The following GAD1 variants were observed in gnomAD, a reference collection of about 807,000 sequenced individuals.
GAD1 encodes the protein 67 kDa glutamic acid decarboxylase.
GAD1 carries 35 observed loss-of-function variants against 75.2 expected under a neutral mutation model. That is an observed-to-expected ratio of 0.47 (90% confidence interval 0.36 to 0.62). The LOEUF is 0.62. Ranked by LOEUF, GAD1 falls within the 20% of genes least tolerant of loss-of-function variation. The pLI is 0.00. For missense variants in GAD1, 490 were observed against 758.5 expected (o/e 0.65, Z 4.16); for synonymous variants, 257 against 271.9 (o/e 0.95, Z 0.54).
chr2:170,825,549 G>A (rs904176260), intron 3 of GAD1, among the ~76,000 whole-genome samples: 15 of 152,178 alleles, frequency 9.9e-5, no homozygotes, highest in African/African-American at 3.6e-4. Context: ...GCCCCACTTG[G>A]CAACAACTGG....
chr2:170,853,060 C>T lies in GAD1; in HGVS notation c.1263+268C>T, dbSNP rs992869565. 1 of 521,904 alleles carries T rather than the reference C, an allele frequency of 1.9e-6. No homozygotes were observed. The highest frequency in any genetic ancestry group is 3.5e-6 in the Non-Finnish European group (1 of 288,848). The allele number at this position is 521,904 out of a possible 1,614,324, so 32.3% of individuals were successfully genotyped here. On this transcript the variant is annotated intron_variant, in intron 13 of 16. Transcript: ENST00000358196. This position sits in a 1 kb window ranked among gnomAD's most constrained non-coding sequence, Gnocchi z 4.1. ...AAGGAAATTATTTAATTGAGTATTC[C>T]TTCATGTTTGCACAAAAAAAGTGGG...
upstream of GAD1, chr2:170,816,785 C>G (rs979867351): frequency 1.6e-4 from 24 of 153,446 alleles, no homozygotes; most frequent in Admixed American, 2.6e-4. Flanking sequence ...ACTAGCTGCC[C>G]CCGCGAGCAA....
At position 170,818,605 on chromosome 2, in the gene GAD1, C is replaced by G; in HGVS notation, c.14C>G (p.Thr5Ser). The change falls in exon 2 of 17, where the codon ACC becomes AGC. Residue 5 changes from threonine to serine, a missense_variant. Around this residue, in one of 3 missense-constraint regions of GAD1, gnomAD observed 165 missense variants for 216.4 expected, o/e 0.76. Transcript: ENST00000358196. This position sits in a 1 kb window ranked among gnomAD's most constrained non-coding sequence, Gnocchi z 5.9. ...ACGACCGAGCTGATGGCGTCTTCGACCCCATCTTCGTCCGCAACCTCCTCG... is the reference window on the plus strand; with the variant it reads ...ACGACCGAGCTGATGGCGTCTTCGAGCCCATCTTCGTCCGCAACCTCCTCG... Reference protein sequence around the residue: MASSTPSSSATSSNA... With the variant: MASSSPSSSATSSNA... 6 of 1,614,134 alleles carry G rather than the reference C, an allele frequency of 3.7e-6. No homozygotes were observed. The highest frequency in any genetic ancestry group is 4.2e-6 in the Non-Finnish European group (5 of 1,180,020).
At position 170,824,072 on chromosome 2, in the gene GAD1, TC is replaced by T. The variant is rs759454735; in HGVS notation, c.145+1928del. 9.2e-5 allele frequency among the ~76,000 whole-genome samples: 14 copies of T among 152,164 alleles called. 1 individual carries two copies. The East Asian group carries it at 1.6e-3, about 17-fold the overall frequency. Reference sequence around the variant, plus strand: ...AGCCGGAGTTGGCCTCCACTCCCCCTCCCCCACTGTCAGCCGAAGCTAGGAG... The same window carrying T: ...AGCCGGAGTTGGCCTCCACTCCCCCTCCCCACTGTCAGCCGAAGCTAGGAG... On this transcript the variant is annotated intron_variant, in intron 3 of 16. Coordinates refer to ENST00000358196, the MANE Select transcript of GAD1 (RefSeq NM_000817.3).
intron 3 of GAD1, among the ~76,000 whole-genome samples, chr2:170,824,862 T>A (rs1261513796): frequency 6.6e-6 from 1 of 152,194 alleles, no homozygotes; most frequent in Non-Finnish European, 1.5e-5. Context: ...CAGGGTGTCC[T>A]TGGGCTTCCA....
chr2:170,845,497 T>C lies in GAD1; in HGVS notation c.752-9T>C. 6.2e-7 allele frequency: 1 copy of C among 1,611,502 alleles called. No individual in the cohort carries two copies. Among genetic ancestry groups the C allele is most frequent in the Admixed American group, 1.7e-5 (1 of 60,014 alleles). Reference sequence around the variant, plus strand: ...CCCAACACCTCCCAATATGTCCGCTTGCTGACAGGGGGCGCCATATCCAAC... The same window carrying C: ...CCCAACACCTCCCAATATGTCCGCTCGCTGACAGGGGGCGCCATATCCAAC... On this transcript the variant is annotated splice_polypyrimidine_tract_variant and intron_variant, in intron 7 of 16. Transcript: ENST00000358196.
rs1463756751 is a variant in GAD1, at chr2:170,845,548, A to G, written c.794A>G (p.Tyr265Cys). The G allele has an allele frequency of 3.1e-6, 5 of 1,613,968 alleles. No individual in the cohort carries two copies. Among genetic ancestry groups the G allele is most frequent in the African/African-American group, 1.3e-5 (1 of 74,918 alleles). Residue 265 changes from tyrosine to cysteine, a missense_variant, in exon 8 of 17, where the codon TAC (tyrosine) becomes TGC (cysteine). Coordinates refer to ENST00000358196, the MANE Select transcript of GAD1 (RefSeq NM_000817.3). The part of the protein sequence containing the change: ...SNMYSIMAAR[Y>C]KYFPEVKTKG... The stretch of plus-strand genomic sequence containing the variant: ...ATGTACAGCATCATGGCTGCTCGCT[A>G]CAAGTACTTCCCGGAAGTTAAGACA...
At chr2:170,836,528 G>A (rs1356743577) in intron 5 of GAD1, among the ~76,000 whole-genome samples, 2 of 152,196 alleles carry the variant, frequency 1.3e-5, no homozygotes, top group African/African-American at 4.8e-5. Flanking sequence ...ACACTGGAAA[G>A]CATGATTTGT....
chr2:170,815,788 T>C (rs1479782649), upstream of GAD1, among the ~76,000 whole-genome samples: 1 of 152,084 alleles, frequency 6.6e-6, no homozygotes, highest in Non-Finnish European at 1.5e-5. Context: ...AGGGAAGGCA[T>C]GAAGAGGCAA....
intron 5 of GAD1, among the ~76,000 whole-genome samples, chr2:170,835,469 T>C (rs115143575): frequency 0.011 from 1,730 of 152,346 alleles, 46 homozygotes; most frequent in African/African-American, 0.04. Flanking sequence ...ATTGAAACTA[T>C]TTTGTTACTT....
Position 170,818,431 on chromosome 2 carries a change from G to T in GAD1, c.-63-98G>T. 2.8e-6 allele frequency: 2 copies of T among 721,218 alleles called. No homozygotes were observed. Among genetic ancestry groups the T allele is most frequent in the South Asian group, 1.5e-5 (1 of 65,490 alleles). 44.7% of individuals were successfully genotyped at this position (721,218 alleles called of 1,614,324 possible). A position where few individuals can be genotyped will look rare whatever the true frequency, so the allele number is the denominator to read the frequency against. Reference sequence around the variant, plus strand: ...CCTCCCTCTTGTCTCTCCAGAGCCGGATCTTCAAGGGGAGCCTCCGTGCCC... The same window carrying T: ...CCTCCCTCTTGTCTCTCCAGAGCCGTATCTTCAAGGGGAGCCTCCGTGCCC... On this transcript the variant is annotated intron_variant, in intron 1 of 16. Transcript: ENST00000358196. This position sits in a 1 kb window ranked among gnomAD's most constrained non-coding sequence, Gnocchi z 5.9.
intron 2 of GAD1, among the ~76,000 whole-genome samples, chr2:170,820,209 G>T (rs565061574): frequency 2.0e-5 from 3 of 152,230 alleles, no homozygotes; most frequent in African/African-American, 7.2e-5. Flanking sequence ...GTGTTAATTT[G>T]CCCTCCACTC....
intron 3 of GAD1, among the ~76,000 whole-genome samples, chr2:170,828,732 ACCCTCCTCCCTCTGCTGTCCTCG>A (rs1559272588): frequency 3.0e-5 from 2 of 66,738 alleles, no homozygotes; most frequent in African/African-American, 1.2e-4. Context: ...TGCTGTCCTC[ACCCTCCTCCCTCTGCTGTCCTCG>A]CCCTCCTACC....
In GAD1 at chr2:170,858,827, T is replaced by C. The variant is rs779372562; in HGVS notation, c.1545T>C (p.Phe515=). The C allele has an allele frequency of 6.2e-7, 1 of 1,614,202 alleles. No homozygotes were observed. The highest frequency in any genetic ancestry group is 8.5e-7 in the Non-Finnish European group (1 of 1,180,016). ...NGEPEHTNVC[F]WYIPQSLRGV... The stretch of plus-strand genomic sequence containing the variant: ...AGCCTGAGCACACAAACGTCTGTTT[T>C]TGGTATATTCCACAAAGCCTCAGGG... The change falls in exon 16 of 17, where the codon TTT becomes TTC. Residue 515 remains phenylalanine, a synonymous_variant. Coordinates refer to ENST00000358196, the MANE Select transcript of GAD1 (RefSeq NM_000817.3).
chr2:170,844,407 CTTTTTTTT>C (rs11327360), intron 7 of GAD1, among the ~76,000 whole-genome samples: 1 of 124,514 alleles, frequency 8.0e-6, no homozygotes, highest in Non-Finnish European at 1.7e-5. Flanking sequence ...TTTCTTTTTT[CTTTTTTTT>C]TTTTTTTTTT....
chr2:170,825,427 C>A (rs2105764366), intron 3 of GAD1, among the ~76,000 whole-genome samples: 1 of 152,330 alleles, frequency 6.6e-6, no homozygotes, highest in South Asian at 2.1e-4. Context: ...AAGAGCCCCT[C>A]CGTCTATGCA....
intron 3 of GAD1, 56 bp downstream of exon 3, chr2:170,822,205 G>A: frequency 7.0e-7 from 1 of 1,437,688 alleles, no homozygotes; most frequent in South Asian, 1.2e-5. Context: ...CGGACCTTTG[G>A]GGCTTGGGAG....
At chr2:170,842,440 A>G in intron 6 of GAD1, 1 of 913,060 alleles carries the variant, frequency 1.1e-6, no homozygotes, top group Non-Finnish European at 1.8e-6. Flanking sequence ...CAACATTTCC[A>G]AAAACCAGTG....
intron 3 of GAD1, 137 bp downstream of exon 3, chr2:170,822,286 C>A: frequency 1.3e-6 from 1 of 766,206 alleles, no homozygotes; most frequent in Non-Finnish European, 2.2e-6. Flanking sequence ...GCCAGGACAG[C>A]CAGCGACCAC....
Sources: gnomAD v4.1 joint callset for allele counts (sites outside exome capture counted in the v4.1 genomes callset) on GRCh38, gnomAD v4.1.1 for gene constraint, gnomAD v4.1.1 regional missense constraint, Gnocchi (gnomAD v3.1) non-coding constraint, MANE v1.5 for transcripts, NCBI Gene and HGNC (gene_info 2026-07-23, HGNC 2026-07-21) for gene names.